KLC3: variants seen among roughly 807,000 people sequenced by gnomAD.
KLC3 encodes kinesin light chain 2.
In KLC3, 72 loss-of-function variants were observed where a neutral mutation model predicts 62.9. That is an observed-to-expected ratio of 1.15 (90% CI 0.95 to 1.39). The LOEUF (loss-of-function observed/expected upper bound fraction) is 1.39. Among genes scored for constraint, KLC3 ranks in the 40% most tolerant of loss-of-function variants. KLC3 has a pLI of 0.00. For missense variants in KLC3, 848 were observed against 691.6 expected, an observed-to-expected ratio of 1.23 and a Z score of -2.54; for synonymous variants, 377 against 300.5, an observed-to-expected ratio of 1.25 and a Z score of -2.63.
At chr19:45,349,067 C>A in intron 7 of KLC3, 146 bp downstream of exon 7, 1 of 722,218 alleles carries the variant, frequency 1.4e-6, no homozygotes. Context: ...GATCACCCAA[C>A]CCATCACCCT....
intron 1 of KLC3, among the ~76,000 whole-genome samples, chr19:45,344,677 C>A (rs951517679): frequency 1.3e-5 from 2 of 152,120 alleles, no homozygotes; most frequent in African/African-American, 4.8e-5. Flanking sequence ...ACCCCAGAGG[C>A]ACCACCAGCT....
At position 45,350,082 on chromosome 19, in the gene KLC3, CCAGGGCAAGGCTTTAGG is replaced by C. The variant is rs537863911; in HGVS notation, c.1144-253_1144-237del. On this transcript the variant is annotated intron_variant, in intron 8 of 12. Coordinates refer to ENST00000391946, the MANE Select transcript of KLC3 (RefSeq NM_177417.3). ...GGCCGAGCTCCAAACCCACTCTGCC[CCAGGGCAAGGCTTTAGG>C]CAGGGGAAGGATACGGCCAGGTCAG... The C allele has an allele frequency of 2.3e-4, 116 of 512,610 alleles. No individual in the cohort carries two copies. In the East Asian group the frequency reaches 3.7e-3, roughly 16 times the overall value. 31.8% of individuals were successfully genotyped at this position (512,610 alleles called of 1,614,324 possible).
Position 45,351,470 on chromosome 19 carries a change from G to A in KLC3, c.*113G>A, listed in dbSNP as rs370782334. 6 of 1,585,090 alleles carry A rather than the reference G, an allele frequency of 3.8e-6. No homozygotes were observed. The African/African-American group carries it at 8.0e-5, about 21-fold the overall frequency. On this transcript the variant is annotated 3_prime_UTR_variant, in exon 13 of 13. Coordinates refer to ENST00000391946, the MANE Select transcript of KLC3 (RefSeq NM_177417.3). ...GGCCCCCCCTTGCCTCTGGGTACCT[G>A]GTGGATAGCTGCCTTCTCCTGCGAT...
chr19:45,341,578 T>TGTGTGTGCGCGCGCGCGC, intron 1 of KLC3, among the ~76,000 whole-genome samples: 8,904 of 138,558 alleles, frequency 0.064, 462 homozygotes, highest in Non-Finnish European at 0.1. Context: ...TGTGTGTGTG[T>TGTGTGTGCGCGCGCGCGC]GCGCGCGCGC....
chr19:45,346,928 C>T (rs952630671), intron 3 of KLC3, 154 bp downstream of exon 3: 2 of 438,346 alleles, frequency 4.6e-6, no homozygotes, highest in Non-Finnish European at 7.3e-6. Context: ...CCCCAACCCT[C>T]CACAGAGCCC....
At chr19:45,347,383 C>T (rs1327758424) in intron 3 of KLC3, 64 bp from the exon 4 acceptor site, 2 of 1,233,424 alleles carry the variant, frequency 1.6e-6, no homozygotes, top group Admixed American at 2.1e-5. Context: ...TGAGATAGAG[C>T]CAGGGCCCCG....
In KLC3 at chr19:45,341,362, G is replaced by T. The variant is rs569157939; in HGVS notation, c.-9+516G>T. Among the ~76,000 whole-genome samples the T allele has an allele frequency of 5.4e-4, 82 of 152,178 alleles. 1 individual carries two copies. Among genetic ancestry groups the T allele is most frequent in the Admixed American group, 1.2e-3 (18 of 15,274 alleles). On this transcript the variant is annotated intron_variant, in intron 1 of 12. Transcript: ENST00000391946. ...GCGACCTCTGACTGGAATGGTGTGT[G>T]TGTAGAATTGGATTGCTGGTAGCAC...
At chr19:45,345,049 A>G (rs1023947403) in intron 1 of KLC3, 1 of 127,710 alleles carries the variant, frequency 7.8e-6, no homozygotes, top group African/African-American at 3.2e-5. Context: ...AAAACACCCT[A>G]AGAATGAGCT....
At chr19:45,343,579 C>G (rs1971431891) in intron 1 of KLC3, among the ~76,000 whole-genome samples, 1 of 152,176 alleles carries the variant, frequency 6.6e-6, no homozygotes, top group Non-Finnish European at 1.5e-5. Context: ...AACTGATCCA[C>G]CCACCTCGGC....
Position 45,351,435 on chromosome 19 carries a change from A to G in KLC3, c.*78A>G. The G allele has an allele frequency of 6.3e-7, 1 of 1,588,420 alleles. No homozygotes were observed. The highest frequency in any genetic ancestry group is 8.5e-7 in the Non-Finnish European group (1 of 1,170,524). On this transcript the variant is annotated 3_prime_UTR_variant, in exon 13 of 13. Coordinates refer to ENST00000391946, the MANE Select transcript of KLC3 (RefSeq NM_177417.3). ...GGGCTGGTGGGGTGAGAGGGGGTCT[A>G]TCATCTCCTGGCCCCCCCTTGCCTC...
intron 1 of KLC3, among the ~76,000 whole-genome samples, chr19:45,341,186 T>TGTG (rs1568519123): frequency 0.019 from 2,098 of 111,896 alleles, 55 homozygotes; most frequent in African/African-American, 0.057. Context: ...CTGCCTGTGT[T>TGTG]TGTGTGTGTG....
chr19:45,349,704 G>GGCCCC, intron 8 of KLC3, 102 bp downstream of exon 8: 2 of 815,784 alleles, frequency 2.5e-6, no homozygotes, highest in Non-Finnish European at 1.8e-6. Context: ...GGTGGGGGGG[G>GGCCCC]GCCCCCCAGG....
chr19:45,350,302 T>G (rs1555774465), intron 8 of KLC3, 39 bp from the exon 9 acceptor site: 5 of 1,515,892 alleles, frequency 3.3e-6, no homozygotes, highest in Non-Finnish European at 1.8e-6. Context: ...TGTTGGGAAC[T>G]GGGGTCCGAA....
At chr19:45,346,090 A>T (rs989120859) in intron 2 of KLC3, among the ~76,000 whole-genome samples, 4 of 152,140 alleles carry the variant, frequency 2.6e-5, no homozygotes, top group Non-Finnish European at 5.9e-5. Flanking sequence ...TGAACCTGGG[A>T]GGCGGAGGTT....
In KLC3 at chr19:45,348,646, G is replaced by C. The variant is rs762997304; in HGVS notation, c.780G>C (p.Arg260=). The change falls in exon 6 of 13, where the codon CGG becomes CGC. Residue 260 remains arginine (R), a splice_region_variant and synonymous_variant. Coordinates refer to ENST00000391946, the MANE Select transcript of KLC3 (RefSeq NM_177417.3). The part of the protein sequence containing the change: ...TMLNILALVY[R]DQNKYKEATD... Reference sequence around the variant, plus strand: ...TCCATTCCTGGGGCGCCCCCCACAGGGACCAGAACAAGTACAAAGAAGCCA... The same window carrying C: ...TCCATTCCTGGGGCGCCCCCCACAGCGACCAGAACAAGTACAAAGAAGCCA... 12 of 1,574,560 alleles carry C rather than the reference G, an allele frequency of 7.6e-6. No individual in the cohort carries two copies. The highest frequency in any genetic ancestry group is 1.0e-5 in the Non-Finnish European group (12 of 1,160,390).
intron 11 of KLC3, 63 bp from the exon 12 acceptor site, chr19:45,350,891 G>C: frequency 6.4e-7 from 1 of 1,572,078 alleles, no homozygotes; most frequent in Non-Finnish European, 8.7e-7. Context: ...TGCTGGAAAG[G>C]TCCCTCGTGG....
chr19:45,350,813 ACCC>A, intron 11 of KLC3, 66 bp downstream of exon 11: 2 of 443,682 alleles, frequency 4.5e-6, no homozygotes, highest in Non-Finnish European at 7.0e-6. Flanking sequence ...CCCCACCCCC[ACCC>A]CCATCTTGCT....
intron 1 of KLC3, among the ~76,000 whole-genome samples, chr19:45,341,800 TGTAG>T (rs967793713): frequency 7.2e-6 from 1 of 138,930 alleles, no homozygotes; most frequent in Non-Finnish European, 1.5e-5. Flanking sequence ...TGTGTGTGTG[TGTAG>T]AGAGGAACTA....
chr19:45,351,199 G>A, intron 12 of KLC3, 87 bp from the exon 13 acceptor site: 12 of 1,584,948 alleles, frequency 7.6e-6, no homozygotes, highest in Non-Finnish European at 9.4e-6. Flanking sequence ...TTGGATAGTT[G>A]GCTGCCAGGC....
Sources: gnomAD v4.1 joint callset for allele counts (sites outside exome capture counted in the v4.1 genomes callset) on GRCh38, gnomAD v4.1.1 for gene constraint, MANE v1.5 for transcripts, NCBI Gene and HGNC (gene_info 2026-07-23, HGNC 2026-07-21) for gene names.